PPP1CB: variants seen among roughly 807,000 people sequenced by gnomAD.
PPP1CB encodes serine/threonine-protein phosphatase PP1-beta catalytic subunit.
A neutral mutation model predicts 43.7 loss-of-function variants in PPP1CB; 2 were observed. The ratio of observed to expected loss-of-function variants is 0.05; its 90% CI spans 0.02 to 0.14. The LOEUF (loss-of-function observed/expected upper bound fraction) is 0.14. Ranked by LOEUF, PPP1CB falls within the 10% of genes least tolerant of loss-of-function variation. The pLI is 1.00. For synonymous variants in PPP1CB, 136 were observed against 135.6 expected (o/e 1.00, Z -0.02); for missense variants, 84 against 398.0 (o/e 0.21, Z 6.71).
intron 1 of PPP1CB, among the ~76,000 whole-genome samples, chr2:28,752,472 C>T (rs1034673129): frequency 3.3e-5 from 5 of 152,164 alleles, no homozygotes; most frequent in African/African-American, 1.2e-4. Context: ...GACAGCCTTT[C>T]GGAAAGGCCG....
At chr2:28,785,694 G>A (rs887145142) in intron 5 of PPP1CB, among the ~76,000 whole-genome samples, 14 of 151,850 alleles carry the variant, frequency 9.2e-5, no homozygotes, top group African/African-American at 3.1e-4. Flanking sequence ...GCAGCACCGC[G>A]GCTACTCAGG....
At chr2:28,756,093 T>C (rs974188194) in intron 1 of PPP1CB, among the ~76,000 whole-genome samples, 1 of 152,222 alleles carries the variant, frequency 6.6e-6, no homozygotes, top group African/African-American at 2.4e-5. Context: ...ATGAGTTAAT[T>C]TTTCATGTAG....
Position 28,802,468 on chromosome 2 carries a change from A to G in PPP1CB, c.*3165A>G, listed in dbSNP as rs1458652645. 1.3e-5 allele frequency: 2 copies of G among 152,194 alleles called. No individual in the cohort carries two copies. Among genetic ancestry groups the G allele is most frequent in the East Asian group, 3.8e-4 (2 of 5,200 alleles). The allele number at this position is 152,194 out of a possible 1,614,324, so 9.4% of individuals were successfully genotyped here. On this transcript the variant is annotated 3_prime_UTR_variant, in exon 8 of 8. Coordinates refer to ENST00000395366, the MANE Select transcript of PPP1CB (RefSeq NM_002709.3). ...TGAGAAGAGACTTAATCCAAGCCTGATTGTACTAGTGGCATCACTTAGAAG... is the reference window on the plus strand; with the variant it reads ...TGAGAAGAGACTTAATCCAAGCCTGGTTGTACTAGTGGCATCACTTAGAAG...
intron 1 of PPP1CB, among the ~76,000 whole-genome samples, chr2:28,752,457 C>T (rs1283726943): frequency 1.3e-5 from 2 of 152,120 alleles, no homozygotes; most frequent in Admixed American, 6.5e-5. Context: ...AGCGGGTCTG[C>T]GGGAGACAGC....
intron 5 of PPP1CB, among the ~76,000 whole-genome samples, chr2:28,786,292 T>C (rs1667264353): frequency 6.6e-6 from 1 of 152,026 alleles, no homozygotes; most frequent in East Asian, 1.9e-4. Flanking sequence ...TTTTGTATGT[T>C]TAATAGAGAC....
At chr2:28,766,338 C>A (rs1444941393) in intron 1 of PPP1CB, among the ~76,000 whole-genome samples, 2 of 152,194 alleles carry the variant, frequency 1.3e-5, no homozygotes, top group African/African-American at 4.8e-5. Context: ...TTCATTAGAG[C>A]AAATGAAGTT....
chr2:28,781,880 T>A (rs1156424087), intron 4 of PPP1CB, 38 bp downstream of exon 4: 11 of 1,401,474 alleles, frequency 7.8e-6, no homozygotes, highest in Non-Finnish European at 1.1e-5. Context: ...TTTTTTTTTC[T>A]TCTATTATTC....
At chr2:28,765,208 A>G (rs1211159537) in intron 1 of PPP1CB, among the ~76,000 whole-genome samples, 1 of 152,186 alleles carries the variant, frequency 6.6e-6, no homozygotes, top group African/African-American at 2.4e-5. Context: ...TTGGGAGAGG[A>G]TACACATTTT....
chr2:28,777,332 A>C (rs1667063134), intron 2 of PPP1CB: 1 of 155,672 alleles, frequency 6.4e-6, no homozygotes, highest in Non-Finnish European at 1.4e-5. Context: ...TTTAGTAATC[A>C]GTGATGTGCA....
intron 1 of PPP1CB, among the ~76,000 whole-genome samples, chr2:28,770,194 CA>C (rs1209859479): frequency 9.2e-5 from 14 of 151,950 alleles, no homozygotes; most frequent in African/African-American, 3.4e-4. Context: ...ATCTGGGAGG[CA>C]AAGGTTTCAG....
intron 6 of PPP1CB, among the ~76,000 whole-genome samples, chr2:28,790,062 T>C (rs1280643307): frequency 1.3e-5 from 2 of 152,052 alleles, no homozygotes; most frequent in Non-Finnish European, 2.9e-5. Context: ...AGGCAGATCC[T>C]TTGAGCCCCA....
At chr2:28,795,682 A>G (rs958634050) in intron 7 of PPP1CB, among the ~76,000 whole-genome samples, 2 of 152,156 alleles carry the variant, frequency 1.3e-5, no homozygotes, top group African/African-American at 4.8e-5. Context: ...AATGCCTTAT[A>G]GAGTCTGGAT....
At chr2:28,763,652 T>C (rs1408260651) in intron 1 of PPP1CB, among the ~76,000 whole-genome samples, 1 of 152,166 alleles carries the variant, frequency 6.6e-6, no homozygotes, top group Non-Finnish European at 1.5e-5. Context: ...TTACAGACAA[T>C]TTGTGGTACT....
chr2:28,767,179 C>T (rs975580904), intron 1 of PPP1CB, among the ~76,000 whole-genome samples: 3 of 152,212 alleles, frequency 2.0e-5, no homozygotes, highest in Admixed American at 6.5e-5. Context: ...AATGACTTAA[C>T]TTGGCTAACA....
chr2:28,776,514 C>A (rs939725993), intron 1 of PPP1CB, among the ~76,000 whole-genome samples: 1 of 152,128 alleles, frequency 6.6e-6, no homozygotes, highest in African/African-American at 2.4e-5. Context: ...CCCACCTCAA[C>A]CTCCCAAGGT....
rs548847387 is a variant in PPP1CB, at chr2:28,799,174, T to C, written c.880-25T>C. The stretch of plus-strand genomic sequence containing the variant: ...AACTTCTGTACATGAAAAAATAACA[T>C]TATTTGTTAATAATTTACTTTAAGA... On this transcript the variant is annotated intron_variant, in intron 7 of 7. Coordinates refer to ENST00000395366, the MANE Select transcript of PPP1CB (RefSeq NM_002709.3). The C allele has an allele frequency of 4.1e-5, 58 of 1,430,450 alleles. No individual in the cohort carries two copies. In the South Asian group the frequency reaches 6.9e-4, roughly 17 times the overall value. 88.6% of individuals were successfully genotyped at this position (1,430,450 alleles called of 1,614,324 possible).
chr2:28,791,617 C>T (rs1667386900), intron 6 of PPP1CB, among the ~76,000 whole-genome samples: 1 of 152,094 alleles, frequency 6.6e-6, no homozygotes, highest in South Asian at 2.1e-4. Flanking sequence ...CACGAGCCAC[C>T]TCGCCCGGCC....
chr2:28,755,602 C>A (rs916238277), intron 1 of PPP1CB, among the ~76,000 whole-genome samples: 1 of 152,070 alleles, frequency 6.6e-6, no homozygotes, highest in Non-Finnish European at 1.5e-5. Flanking sequence ...CTGGAAAATC[C>A]GGTAAAAGCT....
chr2:28,757,774 T>C (rs1572443133), intron 1 of PPP1CB, among the ~76,000 whole-genome samples: 1 of 152,162 alleles, frequency 6.6e-6, no homozygotes, highest in Non-Finnish European at 1.5e-5. Context: ...TAAGGGAAAC[T>C]GACAGTTTGA....
Sources: allele counts gnomAD v4.1 joint callset (sites outside exome capture counted in the v4.1 genomes callset), GRCh38; gene constraint gnomAD v4.1.1; transcripts MANE v1.5; gene names NCBI Gene and HGNC (gene_info 2026-07-23, HGNC 2026-07-21).